PIGP: variants seen among roughly 807,000 people sequenced by gnomAD.
The protein encoded by PIGP is phosphatidylinositol N-acetylglucosaminyltransferase subunit P.
Under a neutral mutation model 16.9 loss-of-function variants are expected in PIGP, and 12 were observed. The observed-to-expected ratio is 0.71, with a 90% CI of 0.46 to 1.15. PIGP has a LOEUF of 1.15. Ranked by LOEUF, PIGP falls within the 50% of genes most tolerant of loss-of-function variation. The pLI, the probability that PIGP is intolerant of heterozygous loss-of-function variation, is 0.00. For synonymous variants in PIGP, 57 were observed against 54.7 expected (o/e 1.04, Z -0.18); for missense variants, 159 against 153.5 (o/e 1.04, Z -0.19).
At chr21:37,072,757 G>A (rs1193830763) in intron 1 of PIGP, 4 of 663,302 alleles carry the variant, frequency 6.0e-6, no homozygotes, top group South Asian at 1.9e-5. Flanking sequence ...AGGGAGGGGG[G>A]TTCTGGGGCG....
At chr21:37,069,295 GTT>G (rs771377471) in intron 3 of PIGP, 644 of 204,756 alleles carry the variant, frequency 3.1e-3, no homozygotes, top group East Asian at 6.7e-3. Flanking sequence ...TGTATCTTCA[GTT>G]TTTTTTTTTT....
rs368669548 is a variant in PIGP at position 37,070,790 on chromosome 21, G to C, written c.83-1166C>G. 7.2e-5 allele frequency among the ~76,000 whole-genome samples: 11 copies of C among 152,304 alleles called. No individual in the cohort carries two copies. The East Asian group carries it at 1.7e-3, about 24-fold the overall frequency. On this transcript the variant is annotated intron_variant, in intron 2 of 4. Transcript: ENST00000360525. The stretch of plus-strand genomic sequence containing the variant: ...TGGAATTTAATTTTGTTTTGAGACA[G>C]TTTCGCTCGTTGCCCAGGCTGGAGT...
In PIGP at chr21:37,065,525, T is replaced by A; in HGVS notation, c.*57A>T. On this transcript the variant is annotated 3_prime_UTR_variant, in exon 5 of 5. Coordinates refer to ENST00000360525, the MANE Select transcript of PIGP (RefSeq NM_153682.3). ...TCAAATTAATTTATGGTCAAAATTA[T>A]AATGGCAAAAACTTATAAATAAATA... is the stretch of plus-strand genomic sequence containing the variant. 6.4e-7 allele frequency: 1 copy of A among 1,553,628 alleles called. No homozygotes were observed. Among genetic ancestry groups the A allele is most frequent in the East Asian group, 2.3e-5 (1 of 43,512 alleles).
chr21:37,069,693 A>G, intron 2 of PIGP, 69 bp from the exon 3 acceptor site: 1 of 1,032,334 alleles, frequency 9.7e-7, no homozygotes, highest in Non-Finnish European at 1.4e-6. Context: ...CTATCAATCT[A>G]TTAAGATTCA....
In PIGP at chr21:37,065,710, T is replaced by C. The variant is rs2069891218; in HGVS notation, c.277A>G (p.Asn93Asp). 1.2e-6 allele frequency: 2 copies of C among 1,612,502 alleles called. No individual in the cohort carries two copies. Among genetic ancestry groups the C allele is most frequent in the Non-Finnish European group, 1.7e-6 (2 of 1,179,360 alleles). ...PLDSIHTITD[N>D]YAKNQQQKKY... is the part of the protein sequence containing the mutation. ...TTCTGCTGTTGATTTTTTGCATAGT[T>C]ATCTGTAAGAAAAGACCAAAAAGCT... The change falls in exon 5 of 5, where the codon AAC becomes GAC. Residue 93 changes from asparagine to aspartate, a missense_variant and splice_region_variant. Transcript: ENST00000360525.
chr21:37,069,718 G>A, intron 2 of PIGP, 94 bp from the exon 3 acceptor site: 1 of 879,272 alleles, frequency 1.1e-6, no homozygotes, highest in South Asian at 1.9e-5. Context: ...AAACAGAAAA[G>A]CTCTTTTGAA....
rs1294750996 is a variant in PIGP, at chr21:37,072,456, G to A, written c.60C>T (p.Phe20=). The change falls in exon 2 of 5, where the codon TTC becomes TTT. Residue 20 remains phenylalanine (F), a synonymous_variant. Transcript: ENST00000360525. The part of the protein sequence containing the change: ...PERAIYGFVL[F]LSSQFGFILY... ...TACTGAAGCCAAATTGGGAGCTTAAGAAAAGAACAAAGCCATAAATCGCTC... is the reference window on the plus strand; with the variant it reads ...TACTGAAGCCAAATTGGGAGCTTAAAAAAAGAACAAAGCCATAAATCGCTC... 1 of 1,614,230 alleles carries A rather than the reference G, an allele frequency of 6.2e-7. No homozygotes were observed. Among genetic ancestry groups the A allele is most frequent in the Non-Finnish European group, 8.5e-7 (1 of 1,180,018 alleles).
chr21:37,072,221 G>T, intron 2 of PIGP: 1 of 1,610,522 alleles, frequency 6.2e-7, no homozygotes, highest in Non-Finnish European at 8.5e-7. Flanking sequence ...ATCGCGTCTG[G>T]TGCTGTATAA....
rs775532791 is a variant in PIGP at position 37,067,397 on chromosome 21, T to A, written c.156-17A>T. On this transcript the variant is annotated splice_polypyrimidine_tract_variant and intron_variant, in intron 3 of 4. Coordinates refer to ENST00000360525, the MANE Select transcript of PIGP (RefSeq NM_153682.3). ...GCCCAATATCTGCCAAAGAGAATAT[T>A]AAAGTACATAATAGACACTTTAAAA... The A allele has an allele frequency of 7.6e-7, 1 of 1,318,024 alleles. No homozygotes were observed. The highest frequency in any genetic ancestry group is 1.1e-6 in the Non-Finnish European group (1 of 911,154). The allele number at this position is 1,318,024 out of a possible 1,614,324, so 81.6% of individuals were successfully genotyped here.
Position 37,065,504 on chromosome 21 carries a change from A to G in PIGP, c.*78T>C. The G allele has an allele frequency of 6.9e-7, 1 of 1,454,388 alleles. No homozygotes were observed. Among genetic ancestry groups the G allele is most frequent in the Non-Finnish European group, 9.3e-7 (1 of 1,071,030 alleles). The allele number at this position is 1,454,388 out of a possible 1,614,324, so 90.1% of individuals were successfully genotyped here. On this transcript the variant is annotated 3_prime_UTR_variant, in exon 5 of 5. Transcript: ENST00000360525. ...CTCTATTAATAAGAGAGATGGTCAA[A>G]TTAATTTATGGTCAAAATTATAATG...
At position 37,072,478 on chromosome 21, in the gene PIGP, GCT is replaced by G. The variant is rs746932833; in HGVS notation, c.36_37del (p.Arg12SerfsTer26). ...TAAGAAAAGAACAAAGCCATAAATC[GCT>G]CTTTCTGGCAATGGCGACGGTGAAT... On this transcript the variant is annotated frameshift_variant, in exon 2 of 5. Transcript: ENST00000360525. LOFTEE classifies it high-confidence loss of function. 4 of 1,614,190 alleles carry G rather than the reference GCT, an allele frequency of 2.5e-6. No homozygotes were observed. The highest frequency in any genetic ancestry group is 2.5e-6 in the Non-Finnish European group (3 of 1,180,022).
intron 1 of PIGP, chr21:37,072,777 C>T: frequency 1.7e-6 from 1 of 593,938 alleles, no homozygotes; most frequent in Non-Finnish European, 2.9e-6. Flanking sequence ...GATAGACGCG[C>T]GCTCCAGCTC....
At chr21:37,072,677 C>G in intron 1 of PIGP, 140 bp from the exon 2 acceptor site, 2 of 1,452,650 alleles carry the variant, frequency 1.4e-6, no homozygotes, top group East Asian at 2.3e-5. Flanking sequence ...CCCGCGCCCC[C>G]GCCTCGAGCG....
intron 3 of PIGP, among the ~76,000 whole-genome samples, chr21:37,068,855 T>C (rs2835572): frequency 0.6 from 91,251 of 152,036 alleles, 27,750 homozygotes; most frequent in Admixed American, 0.66. Context: ...AGGAGGTAAA[T>C]CTTCTCATTA....
intron 1 of PIGP, 121 bp from the exon 2 acceptor site, chr21:37,072,658 C>A: frequency 6.5e-7 from 1 of 1,546,146 alleles, no homozygotes; most frequent in Non-Finnish European, 8.8e-7. Context: ...CCCGCGCCTC[C>A]GTCCGCAACC....
At chr21:37,070,134 C>A (rs1228071050) in intron 2 of PIGP, among the ~76,000 whole-genome samples, 1 of 152,162 alleles carries the variant, frequency 6.6e-6, no homozygotes, top group Non-Finnish European at 1.5e-5. Flanking sequence ...TGGCTAAGTT[C>A]TGAGCACTCA....
intron 3 of PIGP, among the ~76,000 whole-genome samples, chr21:37,068,822 A>T (rs2069950228): frequency 6.6e-6 from 1 of 152,142 alleles, no homozygotes; most frequent in African/African-American, 2.4e-5. Flanking sequence ...TAAGCCTCGA[A>T]GCCCCAAGAG....
At chr21:37,071,956 G>A (rs779290276) in intron 2 of PIGP, among the ~76,000 whole-genome samples, 2 of 152,072 alleles carry the variant, frequency 1.3e-5, no homozygotes, top group African/African-American at 2.4e-5. Flanking sequence ...CAAGCTCCTC[G>A]GGTCCAAACC....
chr21:37,072,182 G>A (rs781307969), intron 2 of PIGP: 10 of 1,488,050 alleles, frequency 6.7e-6, no homozygotes, highest in Non-Finnish European at 9.4e-6. Flanking sequence ...CCTCCTTAAG[G>A]GCAGGGACCA....
Sources: gnomAD v4.1 joint callset for allele counts (sites outside exome capture counted in the v4.1 genomes callset) on GRCh38, gnomAD v4.1.1 for gene constraint, MANE v1.5 for transcripts, NCBI Gene and HGNC (gene_info 2026-07-23, HGNC 2026-07-21) for gene names.